The following TBXAS1 variants were observed in gnomAD, a reference collection of about 807,000 sequenced individuals.
TBXAS1 encodes the protein thromboxane A synthase 1, also known as thromboxane-A synthase.
TBXAS1 carries 48 observed loss-of-function variants against 60.7 expected under a neutral mutation model. That is an observed-to-expected ratio of 0.79 (90% CI 0.63 to 1.01). TBXAS1 has a LOEUF of 1.01. Among genes scored for constraint, TBXAS1 ranks in the 50% least tolerant of loss-of-function variants. The pLI is 0.00. For synonymous variants in TBXAS1, 287 were observed against 269.7 expected, an observed-to-expected ratio of 1.06 and a Z score of -0.63; for missense variants, 685 against 686.3, an observed-to-expected ratio of 1.00 and a Z score of 0.02.
rs1814754770 is a variant in TBXAS1, at chr7:140,013,180, G to C, written c.1227-2543G>C. On this transcript the variant is annotated intron_variant, in intron 10 of 12. Coordinates refer to ENST00000448866, the MANE Select transcript of TBXAS1 (RefSeq NM_001061.7). The surrounding 1 kb of genome is among the most constrained non-coding windows in gnomAD (Gnocchi z 4.2). The stretch of plus-strand genomic sequence containing the variant: ...AGGTGAGTTGAAGGGAGTTCTGACA[G>C]GTAAGACTGTTGTCTGGCAAGTGAA... Among the ~76,000 whole-genome samples the C allele has an allele frequency of 6.6e-6, 1 of 152,302 alleles. No homozygotes were observed. Among genetic ancestry groups the C allele is most frequent in the East Asian group, 1.9e-4 (1 of 5,178 alleles).
chr7:139,870,747 T>A (rs1008288075), intron 1 of TBXAS1, among the ~76,000 whole-genome samples: 4 of 152,228 alleles, frequency 2.6e-5, no homozygotes, highest in African/African-American at 4.8e-5. Context: ...ATAGAGGACA[T>A]CCTGCCTTCC....
intron 9 of TBXAS1, among the ~76,000 whole-genome samples, chr7:139,981,547 T>C (rs1811982353): frequency 6.6e-6 from 1 of 152,236 alleles, no homozygotes; most frequent in Admixed American, 6.5e-5. Flanking sequence ...CAAAATACAA[T>C]GCATTCCCCT....
At chr7:139,969,728 C>T (rs1296872348) in intron 9 of TBXAS1, among the ~76,000 whole-genome samples, 2 of 152,108 alleles carry the variant, frequency 1.3e-5, no homozygotes, top group Non-Finnish European at 1.5e-5. Context: ...CTGCTGGGGT[C>T]GGGCTACCCA....
intron 1 of TBXAS1, among the ~76,000 whole-genome samples, chr7:139,855,517 C>T (rs1465200305): frequency 2.0e-5 from 3 of 151,960 alleles, no homozygotes; most frequent in Non-Finnish European, 4.4e-5. Flanking sequence ...GAGGCTTGGG[C>T]TGCCAGGTGA....
chr7:139,863,544 T>C (rs1248792233), intron 1 of TBXAS1, among the ~76,000 whole-genome samples: 1 of 152,194 alleles, frequency 6.6e-6, no homozygotes, highest in African/African-American at 2.4e-5. Flanking sequence ...TTATAGCACA[T>C]TGATATTCAG....
chr7:139,843,065 G>A (rs895173878), intron 1 of TBXAS1, among the ~76,000 whole-genome samples: 1 of 152,128 alleles, frequency 6.6e-6, no homozygotes, highest in African/African-American at 2.4e-5. Flanking sequence ...GATCTGAAAG[G>A]TGCCCTAAAG....
intron 9 of TBXAS1, among the ~76,000 whole-genome samples, chr7:139,969,036 T>C (rs1811003811): frequency 6.6e-6 from 1 of 152,236 alleles, no homozygotes; most frequent in South Asian, 2.1e-4. Context: ...TTATTGACTT[T>C]TGATCTGGCT....
chr7:139,827,197 T>A (rs948861766), upstream of TBXAS1, among the ~76,000 whole-genome samples: 2 of 152,264 alleles, frequency 1.3e-5, no homozygotes, highest in African/African-American at 4.8e-5. Flanking sequence ...AATCTGCACC[T>A]GTGACCACAG....
chr7:139,986,755 A>ATATATATATT, intron 9 of TBXAS1, among the ~76,000 whole-genome samples: 1 of 79,754 alleles, frequency 1.3e-5, no homozygotes, highest in African/African-American at 5.1e-5. Flanking sequence ...ATATATATAT[A>ATATATATATT]TGTGTGTGTG....
chr7:139,996,094 G>A (rs1440199591), intron 9 of TBXAS1, among the ~76,000 whole-genome samples: 8 of 151,258 alleles, frequency 5.3e-5, no homozygotes, highest in Non-Finnish European at 7.4e-5. Flanking sequence ...TCGGCCTCCC[G>A]AGTAGCTGGG....
chr7:140,014,961 G>A (rs1451922850), intron 10 of TBXAS1, among the ~76,000 whole-genome samples: 1 of 151,656 alleles, frequency 6.6e-6, no homozygotes. Context: ...AGAAGAGGAG[G>A]AGGAGGATGC....
chr7:139,824,863 C>T (rs1478331533), upstream of TBXAS1, among the ~76,000 whole-genome samples: 2 of 135,468 alleles, frequency 1.5e-5, no homozygotes, highest in Non-Finnish European at 3.1e-5. Context: ...AGAGTCTTGC[C>T]GTATCATCCA....
chr7:139,897,034 C>T (rs186993862), intron 3 of TBXAS1, among the ~76,000 whole-genome samples: 9 of 152,226 alleles, frequency 5.9e-5, no homozygotes, highest in East Asian at 3.9e-4. Context: ...TGGCATTAGA[C>T]GTTGGAGCTG....
At chr7:139,812,185 G>A (rs942243389) in intron 4 of TBXAS1, among the ~76,000 whole-genome samples, 1 of 152,224 alleles carries the variant, frequency 6.6e-6, no homozygotes. Flanking sequence ...AAAATAGCTA[G>A]ATAGAAACTC....
At chr7:139,991,804 A>C (rs940965587) in intron 9 of TBXAS1, among the ~76,000 whole-genome samples, 1 of 152,192 alleles carries the variant, frequency 6.6e-6, no homozygotes, top group Non-Finnish European at 1.5e-5. Context: ...GGGTAACAAA[A>C]ACTGGGCACA....
Position 139,875,582 on chromosome 7 carries a change from C to A in TBXAS1, c.184-3C>A, listed in dbSNP as rs769292908. ...TCTTACTATAGTGCTGTGTTTCCTT[C>A]AGGGTTTTTGGGAAAGCCAAATGGA... is the stretch of plus-strand genomic sequence containing the variant. On this transcript the variant is annotated splice_region_variant and splice_polypyrimidine_tract_variant and intron_variant, in intron 2 of 12. Transcript: ENST00000448866. 1 of 1,614,020 alleles carries A rather than the reference C, an allele frequency of 6.2e-7. No individual in the cohort carries two copies. The highest frequency in any genetic ancestry group is 8.5e-7 in the Non-Finnish European group (1 of 1,179,928).
chr7:140,009,375 GAC>G (rs1241218595), intron 10 of TBXAS1, among the ~76,000 whole-genome samples: 1 of 152,162 alleles, frequency 6.6e-6, no homozygotes, highest in Non-Finnish European at 1.5e-5. Context: ...GTTAAATGGG[GAC>G]ACACACCTGC....
rs920100916 is a variant in TBXAS1 at position 140,004,470 on chromosome 7, C to A, written c.1135-2621C>A. 1.3e-5 allele frequency among the ~76,000 whole-genome samples: 2 copies of A among 152,178 alleles called. No homozygotes were observed. Among genetic ancestry groups the A allele is most frequent in the African/African-American group, 4.8e-5 (2 of 41,444 alleles). ...CAGAGCGTTTAACTTATATGCAGAA[C>A]CACTGAAATTACACAATTGGTGTTT... On this transcript the variant is annotated intron_variant, in intron 9 of 12. Coordinates refer to ENST00000448866, the MANE Select transcript of TBXAS1 (RefSeq NM_001061.7). The surrounding 1 kb of genome is among the most constrained non-coding windows in gnomAD (Gnocchi z 5.1).
chr7:139,925,213 T>C (rs971046964), intron 4 of TBXAS1, among the ~76,000 whole-genome samples: 3 of 152,188 alleles, frequency 2.0e-5, no homozygotes, highest in African/African-American at 4.8e-5. Context: ...AGAGATTGCA[T>C]TGAATCTGTA....
Sources: gnomAD v4.1 joint callset for allele counts (sites outside exome capture counted in the v4.1 genomes callset) on GRCh38, gnomAD v4.1.1 for gene constraint, Gnocchi (gnomAD v3.1) non-coding constraint, MANE v1.5 for transcripts, NCBI Gene and HGNC (gene_info 2026-07-23, HGNC 2026-07-21) for gene names.